NHSL1: variants seen among roughly 807,000 people sequenced by gnomAD.
The protein encoded by NHSL1 is NHS like 1, also known as NHS-like protein 1.
Under a neutral mutation model 95.0 loss-of-function variants are expected in NHSL1, and 48 were observed. The ratio of observed to expected loss-of-function variants is 0.51; its 90% CI spans 0.40 to 0.64. The LOEUF (loss-of-function observed/expected upper bound fraction) is 0.64, where lower values mean the gene tolerates loss of function less well. Among genes scored for constraint, NHSL1 ranks in the 30% least tolerant of loss-of-function variants. The pLI, the probability that NHSL1 is intolerant of heterozygous loss-of-function variation, is 0.00. For missense variants in NHSL1, 1,971 were observed against 2,077.7 expected, an observed-to-expected ratio of 0.95 and a Z score of 1.00; for synonymous variants, 783 against 833.9, an observed-to-expected ratio of 0.94 and a Z score of 1.05.
At chr6:138,631,361 A>G (rs4131200) in intron 1 of NHSL1, among the ~76,000 whole-genome samples, 2 of 152,100 alleles carry the variant, frequency 1.3e-5, no homozygotes, top group African/African-American at 2.4e-5. Flanking sequence ...GGGCATGTGA[A>G]CTACTGGGAC....
upstream of NHSL1, among the ~76,000 whole-genome samples, chr6:138,574,711 G>T (rs1050068292): frequency 1.3e-5 from 2 of 151,578 alleles, no homozygotes; most frequent in Admixed American, 1.3e-4. Context: ...GTTAAGTCAG[G>T]CATGGTGGTA....
At chr6:138,480,774 T>C (rs1193917695) in intron 2 of NHSL1, among the ~76,000 whole-genome samples, 1 of 152,182 alleles carries the variant, frequency 6.6e-6, no homozygotes, top group Non-Finnish European at 1.5e-5. Flanking sequence ...AGTGAGAAAG[T>C]CCTATGATGA....
At chr6:138,429,638 A>G (rs1371542388) in intron 7 of NHSL1, 73 bp downstream of exon 7, 1 of 1,342,922 alleles carries the variant, frequency 7.4e-7, no homozygotes. Flanking sequence ...AAGGAAGAAA[A>G]GTAAATTGAG....
intron 1 of NHSL1, among the ~76,000 whole-genome samples, chr6:138,661,996 C>G (rs894895419): frequency 1.3e-5 from 2 of 152,052 alleles, no homozygotes; most frequent in African/African-American, 4.8e-5. Flanking sequence ...ATCACTTGAG[C>G]CCACAAGTTT....
chr6:138,594,160 AG>A (rs1784269997), intron 1 of NHSL1, among the ~76,000 whole-genome samples: 1 of 152,186 alleles, frequency 6.6e-6, no homozygotes, highest in African/African-American at 2.4e-5. Context: ...TGGATAAAAT[AG>A]GAGAAATGCA....
chr6:138,572,058 G>T, exon 1 of NHSL1: 1 of 625,524 alleles, frequency 1.6e-6, no homozygotes, highest in Non-Finnish European at 2.7e-6. Context: ...CAAAAAGACG[G>T]CTTCTGTGTC....
chr6:138,585,220 G>T (rs1784116019), intron 1 of NHSL1, among the ~76,000 whole-genome samples: 1 of 152,208 alleles, frequency 6.6e-6, no homozygotes, highest in Non-Finnish European at 1.5e-5. Context: ...TGTGTACAGG[G>T]AGCGAGAGGT....
intron 1 of NHSL1, among the ~76,000 whole-genome samples, chr6:138,681,485 G>A (rs181065117): frequency 5.3e-4 from 80 of 152,300 alleles, no homozygotes; most frequent in Non-Finnish European, 5.9e-5. Context: ...AAGGTAAGGA[G>A]CACAGGCTAT....
chr6:138,539,881 T>C (rs969550720), intron 1 of NHSL1, among the ~76,000 whole-genome samples: 3 of 152,198 alleles, frequency 2.0e-5, no homozygotes, highest in African/African-American at 4.8e-5. Flanking sequence ...CTATTTAGCA[T>C]GGTAATCTGG....
chr6:138,575,991 T>TTATG (rs962557132), upstream of NHSL1, among the ~76,000 whole-genome samples: 3 of 150,996 alleles, frequency 2.0e-5, no homozygotes, highest in African/African-American at 4.9e-5. Flanking sequence ...ATTTATTTAT[T>TTATG]TATTTATTTA....
upstream of NHSL1, among the ~76,000 whole-genome samples, chr6:138,573,922 C>T (rs1334959043): frequency 1.3e-5 from 2 of 152,068 alleles, no homozygotes; most frequent in Non-Finnish European, 1.5e-5. Flanking sequence ...ATAATATCTC[C>T]ACTTTGACTA....
rs1351986561 is a variant in NHSL1, at chr6:138,430,263, A to G, written c.3952+130T>C. 3.9e-6 allele frequency: 5 copies of G among 1,292,252 alleles called. No homozygotes were observed. The highest frequency in any genetic ancestry group is 5.1e-6 in the Non-Finnish European group (5 of 985,826). The allele number at this position is 1,292,252 out of a possible 1,614,324, so 80.0% of individuals were successfully genotyped here. A position where few individuals can be genotyped will look rare whatever the true frequency, so the allele number is the denominator to read the frequency against. On this transcript the variant is annotated intron_variant, in intron 6 of 7. Transcript: ENST00000343505. This position sits in a 1 kb window ranked among gnomAD's most constrained non-coding sequence, Gnocchi z 4.7. Reference sequence around the variant, plus strand: ...CTGTGTTTTAACACAGGAAGCCTACATACTGCTAGCTTTAACAGGAATCTG... The same window carrying G: ...CTGTGTTTTAACACAGGAAGCCTACGTACTGCTAGCTTTAACAGGAATCTG...
In NHSL1 at chr6:138,433,385, A is replaced by C. The variant is rs1338741227; in HGVS notation, c.960T>G (p.Ala320=). 2 of 1,552,352 alleles carry C rather than the reference A, an allele frequency of 1.3e-6. No individual in the cohort carries two copies. Among genetic ancestry groups the C allele is most frequent in the Non-Finnish European group, 1.7e-6 (2 of 1,147,134 alleles). Residue 320 remains alanine (A), a synonymous_variant, in exon 6 of 8, where the codon GCT becomes GCG. Transcript: ENST00000343505. ...IVFPSRLDSD[A]GFHSLPRSGA... ...CAGAACGCGGAAGACTATGGAAGCCAGCATCACTGTCAAGGCGGGAAGGGA... is the reference window on the plus strand; with the variant it reads ...CAGAACGCGGAAGACTATGGAAGCCCGCATCACTGTCAAGGCGGGAAGGGA...
chr6:138,588,079 A>T (rs1228802637), intron 1 of NHSL1, among the ~76,000 whole-genome samples: 1 of 152,284 alleles, frequency 6.6e-6, no homozygotes, highest in Non-Finnish European at 1.5e-5. Flanking sequence ...AGCACCTAGC[A>T]GGTACTCCAT....
chr6:138,430,821 C>A lies in NHSL1; in HGVS notation c.3524G>T (p.Arg1175Leu). The change falls in exon 6 of 8, where the codon CGG (arginine) becomes CTG (leucine). Residue 1175 changes from arginine to leucine, a missense_variant. Arg to Leu is a moderately radical substitution (Grantham distance 102). Coordinates refer to ENST00000343505, the MANE Select transcript of NHSL1 (RefSeq NM_001144060.2). This position sits in a 1 kb window ranked among gnomAD's most constrained non-coding sequence, Gnocchi z 4.7. ...GAGTGGGGTGGTGCTGGGGCTGGGC[C>A]GAGCCTCTGCCTCCCCAGCGCTTGG... ...GAPSAGEAEA[R>L]PSPSTTPLPD... The A allele has an allele frequency of 6.4e-7, 1 of 1,550,726 alleles. No homozygotes were observed. The highest frequency in any genetic ancestry group is 8.7e-7 in the Non-Finnish European group (1 of 1,146,766).
chr6:138,653,747 A>G (rs1448656738), intron 1 of NHSL1, among the ~76,000 whole-genome samples: 1 of 152,256 alleles, frequency 6.6e-6, no homozygotes, highest in African/African-American at 2.4e-5. Flanking sequence ...GATATTTCAC[A>G]TCACCACGCA....
At chr6:138,537,592 T>TA (rs5880384) in intron 1 of NHSL1, among the ~76,000 whole-genome samples, 75,018 of 151,614 alleles carry the variant, frequency 0.49, 19,808 homozygotes, top group African/African-American at 0.68. Flanking sequence ...TTATGTAAGC[T>TA]TTACTTAATC....
At chr6:138,555,731 TG>T (rs1480424651) in intron 1 of NHSL1, among the ~76,000 whole-genome samples, 1 of 152,136 alleles carries the variant, frequency 6.6e-6, no homozygotes, top group Non-Finnish European at 1.5e-5. Context: ...TGATACAGAG[TG>T]ACTCAGACGC....
At chr6:138,548,220 G>A (rs902879818), upstream of NHSL1, among the ~76,000 whole-genome samples, 1 of 152,050 alleles carries the variant, frequency 6.6e-6, no homozygotes, top group East Asian at 1.9e-4. Context: ...TCCTGACCTC[G>A]TGATCCACCC....
Sources: allele counts gnomAD v4.1 joint callset (sites outside exome capture counted in the v4.1 genomes callset), GRCh38; gene constraint gnomAD v4.1.1; non-coding constraint Gnocchi (gnomAD v3.1); transcripts MANE v1.5; gene names NCBI Gene and HGNC (gene_info 2026-07-23, HGNC 2026-07-21).